Variants in PRKAG2 observed in about 807,000 individuals in gnomAD.
The protein encoded by PRKAG2 is 5'-AMP-activated protein kinase subunit gamma-2.
Under a neutral mutation model 69.6 loss-of-function variants are expected in PRKAG2, and 26 were observed. The observed-to-expected ratio is 0.37, with a 90% CI of 0.27 to 0.52. The LOEUF is 0.52. Among genes scored for constraint, PRKAG2 ranks in the 20% least tolerant of loss-of-function variants. PRKAG2 has a pLI of 0.90. For missense variants in PRKAG2, 557 were observed against 740.0 expected (o/e 0.75, Z 2.87); for synonymous variants, 293 against 285.0 (o/e 1.03, Z -0.28).
chr7:151,632,541 GC>G lies in PRKAG2; in HGVS notation c.685-404del. Reference sequence around the variant, plus strand: ...CGCCATTGGGAGAGGCCCGCGGCCCGCCCCCACTCCGCCCCCCGGCGCCGCT... The same window carrying G: ...CGCCATTGGGAGAGGCCCGCGGCCCGCCCCACTCCGCCCCCCGGCGCCGCT... On this transcript the variant is annotated intron_variant, in intron 4 of 15. Transcript: ENST00000287878. The surrounding 1 kb of genome is among the most constrained non-coding windows in gnomAD (Gnocchi z 4.2). 3 of 979,170 alleles carry G rather than the reference GC, an allele frequency of 3.1e-6. No homozygotes were observed. The highest frequency in any genetic ancestry group is 3.6e-6 in the Non-Finnish European group (3 of 825,276). The allele number at this position is 979,170 out of a possible 1,614,324, so 60.7% of individuals were successfully genotyped here. A position where few individuals can be genotyped will look rare whatever the true frequency, so the allele number is the denominator to read the frequency against.
chr7:151,652,615 G>A (rs1377187286), intron 4 of PRKAG2, among the ~76,000 whole-genome samples: 5 of 152,018 alleles, frequency 3.3e-5, no homozygotes, highest in Non-Finnish European at 7.4e-5. Context: ...AATATTAGTA[G>A]ATGGAACCCA....
chr7:151,822,955 C>T (rs73160027), intron 1 of PRKAG2, among the ~76,000 whole-genome samples: 3 of 152,310 alleles, frequency 2.0e-5, no homozygotes, highest in African/African-American at 4.8e-5. Flanking sequence ...GCTGAGTGGC[C>T]GCCAAGCCCG....
intron 1 of PRKAG2, among the ~76,000 whole-genome samples, chr7:151,844,658 C>G (rs2079388542): frequency 6.6e-6 from 1 of 152,200 alleles, no homozygotes; most frequent in Non-Finnish European, 1.5e-5. Context: ...TATCGTGAGT[C>G]ATGGTCCAAA....
intron 6 of PRKAG2, among the ~76,000 whole-genome samples, chr7:151,582,055 A>T (rs138984477): frequency 6.6e-6 from 1 of 152,350 alleles, no homozygotes; most frequent in Non-Finnish European, 1.5e-5. Context: ...TAATTCTGAG[A>T]TGAAAGACAC....
intron 1 of PRKAG2, among the ~76,000 whole-genome samples, chr7:151,821,403 C>T (rs1257323137): frequency 6.6e-6 from 1 of 152,182 alleles, no homozygotes; most frequent in Non-Finnish European, 1.5e-5. Flanking sequence ...TTGGCACACA[C>T]AGAAGGCCAA....
rs373775996 is a variant in PRKAG2, at chr7:151,866,497, T to C, written c.114+10010A>G. 2.5e-4 allele frequency among the ~76,000 whole-genome samples: 38 copies of C among 152,224 alleles called. 1 individual carries two copies. The highest frequency in any genetic ancestry group is 8.4e-4 in the African/African-American group (35 of 41,454). ...TGGCATATAACAAGTGCTTCAGCAA[T>C]ATTAGCTCAATCTGTTGAAAACCAT... is the stretch of plus-strand genomic sequence containing the variant. On this transcript the variant is annotated intron_variant, in intron 1 of 15. Coordinates refer to ENST00000287878, the MANE Select transcript of PRKAG2 (RefSeq NM_016203.4).
intron 3 of PRKAG2, among the ~76,000 whole-genome samples, chr7:151,707,842 C>T (rs1414992312): frequency 4.6e-5 from 7 of 152,214 alleles, no homozygotes; most frequent in Non-Finnish European, 1.0e-4. Flanking sequence ...CAACTCACCC[C>T]GGGGCCACCG....
chr7:151,810,045 T>G (rs1265152481), intron 1 of PRKAG2: 1 of 152,284 alleles, frequency 6.6e-6, no homozygotes, highest in African/African-American at 2.4e-5. Context: ...TGGAGTCATG[T>G]GCATTCTCCT....
chr7:151,816,958 C>T (rs1336828722), intron 1 of PRKAG2, among the ~76,000 whole-genome samples: 2 of 152,156 alleles, frequency 1.3e-5, no homozygotes, highest in Non-Finnish European at 2.9e-5. Flanking sequence ...TTGAGAGTGA[C>T]TTATGGGGTG....
chr7:151,695,628 G>C (rs1272711171), intron 3 of PRKAG2, among the ~76,000 whole-genome samples: 2 of 152,196 alleles, frequency 1.3e-5, no homozygotes, highest in Non-Finnish European at 2.9e-5. Context: ...CAACTAACTA[G>C]AGCTGCTCAC....
chr7:151,865,621 A>AG (rs1259525199), intron 1 of PRKAG2, among the ~76,000 whole-genome samples: 15 of 152,252 alleles, frequency 9.9e-5, no homozygotes, highest in Non-Finnish European at 1.0e-4. Flanking sequence ...CAGAGGCGCC[A>AG]GGCAGGGCTT....
intron 3 of PRKAG2, among the ~76,000 whole-genome samples, chr7:151,735,348 C>G (rs1298646984): frequency 6.6e-6 from 1 of 152,132 alleles, no homozygotes; most frequent in Non-Finnish European, 1.5e-5. Flanking sequence ...TGCCCTGACC[C>G]CATCCTCCTG....
intron 1 of PRKAG2, among the ~76,000 whole-genome samples, chr7:151,795,858 T>TAC (rs1197667096): frequency 1.0e-5 from 1 of 99,578 alleles, no homozygotes; most frequent in Non-Finnish European, 1.9e-5. Flanking sequence ...TATATATATA[T>TAC]ATATATATAT....
intron 3 of PRKAG2, among the ~76,000 whole-genome samples, chr7:151,768,285 T>G (rs567081583): frequency 3.9e-5 from 6 of 152,282 alleles, no homozygotes; most frequent in African/African-American, 1.2e-4. Flanking sequence ...CAGCCCCTTG[T>G]CATCATTCAT....
chr7:151,675,150 G>A, intron 4 of PRKAG2: 1 of 432,490 alleles, frequency 2.3e-6, no homozygotes, highest in South Asian at 2.0e-5. Context: ...CGAACTCCTG[G>A]CCTCAAGTGA....
intron 4 of PRKAG2, among the ~76,000 whole-genome samples, chr7:151,671,017 T>C (rs1175339814): frequency 6.6e-6 from 1 of 151,810 alleles, no homozygotes; most frequent in African/African-American, 2.4e-5. Context: ...CTACTAAAAA[T>C]ATAAAAATTA....
At chr7:151,863,016 C>T (rs2079973024) in intron 1 of PRKAG2, among the ~76,000 whole-genome samples, 1 of 147,170 alleles carries the variant, frequency 6.8e-6, no homozygotes, top group African/African-American at 2.5e-5. Context: ...CTGGTAGACC[C>T]CAGGTGCAGG....
At chr7:151,748,809 G>A (rs6978479) in intron 3 of PRKAG2, among the ~76,000 whole-genome samples, 6,640 of 152,308 alleles carry the variant, frequency 0.044, 163 homozygotes, top group African/African-American at 0.07. Context: ...CATCAGCAGC[G>A]GCAAGGAGGA....
Position 151,773,028 on chromosome 7 carries a change from AGAGAGAGAGAG to A in PRKAG2, c.466+8113_466+8123del, listed in dbSNP as rs2076116168. 2.2e-3 allele frequency among the ~76,000 whole-genome samples: 111 copies of A among 50,866 alleles called. 1 individual carries two copies. The highest frequency in any genetic ancestry group is 0.01 in the African/African-American group (108 of 10,458). The allele number at this position is 50,866 out of a possible 152,430, so 33.4% of individuals were successfully genotyped here. On this transcript the variant is annotated intron_variant, in intron 3 of 15. Transcript: ENST00000287878. ...AAGAAAGAAAGAAAGAAAGAAAGAG[AGAGAGAGAGAG>A]AGAGAGAGAGAGAGGGAGGGAGGGA... is the stretch of plus-strand genomic sequence containing the variant.
Sources: allele counts gnomAD v4.1 joint callset (sites outside exome capture counted in the v4.1 genomes callset), GRCh38; gene constraint gnomAD v4.1.1; non-coding constraint Gnocchi (gnomAD v3.1); transcripts MANE v1.5; gene names NCBI Gene and HGNC (gene_info 2026-07-23, HGNC 2026-07-21).